AVL9: variants seen among roughly 807,000 people sequenced by gnomAD.
AVL9 encodes AVL9 cell migration associated, also known as late secretory pathway protein AVL9 homolog.
A neutral mutation model predicts 79.2 loss-of-function variants in AVL9; 49 were observed. That is an observed-to-expected ratio of 0.62 (90% CI 0.49 to 0.79). The LOEUF (loss-of-function observed/expected upper bound fraction) is 0.79, where lower values mean the gene tolerates loss of function less well. Ranked by LOEUF, AVL9 falls within the 30% of genes least tolerant of loss-of-function variation. The probability of loss-of-function intolerance (pLI) is 0.00; values close to 1 mark genes in which losing one functional copy is unlikely to be tolerated. For synonymous variants in AVL9, 299 were observed against 280.6 expected, an observed-to-expected ratio of 1.07 and a Z score of -0.65; for missense variants, 682 against 776.8, an observed-to-expected ratio of 0.88 and a Z score of 1.45.
At chr7:32,558,649 ACT>A in intron 9 of AVL9, 21 bp downstream of exon 9, 1 of 1,572,080 alleles carries the variant, frequency 6.4e-7, no homozygotes, top group Non-Finnish European at 8.7e-7. Context: ...AGCAGTATCT[ACT>A]CTTTCTTTTG....
Position 32,495,760 on chromosome 7 carries a change from G to A in AVL9, c.51G>A (p.Leu17=). Residue 17 remains leucine, a synonymous_variant, in exon 1 of 16, where the codon CTG becomes CTA. Coordinates refer to ENST00000318709, the MANE Select transcript of AVL9 (RefSeq NM_015060.3). ...ATGGCGTCCCCCGGGGGCCCGTACT[G>A]CACATCGTGGTGGTCGGATTTCACC... is the stretch of plus-strand genomic sequence containing the variant. The part of the protein sequence containing the change: ...GGDGVPRGPV[L]HIVVVGFHHK... The A allele has an allele frequency of 7.9e-7, 1 of 1,260,360 alleles. No individual in the cohort carries two copies. The highest frequency in any genetic ancestry group is 1.0e-6 in the Non-Finnish European group (1 of 992,498). The allele number at this position is 1,260,360 out of a possible 1,614,324, so 78.1% of individuals were successfully genotyped here.
chr7:32,575,966 A>G lies in AVL9; in HGVS notation c.1582A>G (p.Ile528Val). 6.2e-7 allele frequency: 1 copy of G among 1,608,828 alleles called. No homozygotes were observed. The highest frequency in any genetic ancestry group is 8.5e-7 in the Non-Finnish European group (1 of 1,175,192). The change falls in exon 13 of 16, where the codon ATA becomes GTA. Residue 528 changes from isoleucine (I) to valine (V), a missense_variant. Ile to Val is a conservative substitution (Grantham distance 29, BLOSUM62 3). Transcript: ENST00000318709. ...CATTTACTTGACAGACAATGAAAAG[A>G]TATTATCGGACTATGGGACAACTTT... ...AATLQLDNEK[I>V]LSDYGTTFVT...
intron 13 of AVL9, among the ~76,000 whole-genome samples, chr7:32,578,855 T>G (rs1791219552): frequency 6.6e-6 from 1 of 152,160 alleles, no homozygotes; most frequent in South Asian, 2.1e-4. Context: ...GGGTGTCATT[T>G]AGAAATATTT....
intron 1 of AVL9, among the ~76,000 whole-genome samples, chr7:32,502,779 C>G (rs748588502): frequency 1.1e-4 from 16 of 152,190 alleles, no homozygotes; most frequent in Non-Finnish European, 2.1e-4. Flanking sequence ...AAATGTCACT[C>G]ATACTGTGGC....
At chr7:32,497,973 C>T (rs1191895740) in intron 1 of AVL9, among the ~76,000 whole-genome samples, 3 of 152,040 alleles carry the variant, frequency 2.0e-5, no homozygotes, top group Non-Finnish European at 4.4e-5. Flanking sequence ...TCTAAATGTG[C>T]GCTGAGATTG....
At position 32,537,231 on chromosome 7, in the gene AVL9, T is replaced by C. The variant is rs367768667; in HGVS notation, c.94-5910T>C. The C allele has an allele frequency of 3.3e-5, 5 of 152,162 alleles. No homozygotes were observed. In the East Asian group the frequency reaches 7.7e-4, roughly 23 times the overall value. 9.4% of individuals were successfully genotyped at this position (152,162 alleles called of 1,614,324 possible). A position where few individuals can be genotyped will look rare whatever the true frequency, so the allele number is the denominator to read the frequency against. ...AAACTCAAGTATGATTGATTGGGGCTTATTATGAATAACAAAAGATGCTCC... is the reference window on the plus strand; with the variant it reads ...AAACTCAAGTATGATTGATTGGGGCCTATTATGAATAACAAAAGATGCTCC... On this transcript the variant is annotated intron_variant, in intron 1 of 15. Coordinates refer to ENST00000318709, the MANE Select transcript of AVL9 (RefSeq NM_015060.3).
intron 1 of AVL9, among the ~76,000 whole-genome samples, chr7:32,530,597 TAAAC>T (rs1473079535): frequency 1.3e-5 from 2 of 152,230 alleles, no homozygotes; most frequent in African/African-American, 4.8e-5. Context: ...ATATTTCTTT[TAAAC>T]AAACATAATT....
intron 13 of AVL9, among the ~76,000 whole-genome samples, chr7:32,578,366 C>A (rs1791192265): frequency 6.6e-6 from 1 of 152,196 alleles, no homozygotes; most frequent in Non-Finnish European, 1.5e-5. Flanking sequence ...AGATGCAAAT[C>A]TACCCCCAAA....
intron 1 of AVL9, chr7:32,536,892 G>A (rs1722124095): frequency 6.6e-6 from 1 of 152,220 alleles, no homozygotes; most frequent in Admixed American, 6.5e-5. Context: ...AATAAGGCAA[G>A]GTGTTGGTTG....
chr7:32,510,175 A>G (rs1787597299), intron 1 of AVL9, among the ~76,000 whole-genome samples: 1 of 151,728 alleles, frequency 6.6e-6, no homozygotes, highest in Admixed American at 6.6e-5. Context: ...CTGCCCCAGT[A>G]GGAGCGAGCC....
chr7:32,561,051 G>C (rs1313011843), intron 10 of AVL9, among the ~76,000 whole-genome samples: 1 of 152,192 alleles, frequency 6.6e-6, no homozygotes, highest in African/African-American at 2.4e-5. Flanking sequence ...TCCAGGCTTT[G>C]TTTTTCCATT....
intron 1 of AVL9, among the ~76,000 whole-genome samples, chr7:32,514,046 T>C (rs780458128): frequency 6.6e-6 from 1 of 152,226 alleles, no homozygotes; most frequent in Admixed American, 6.5e-5. Flanking sequence ...TATCTCAGAA[T>C]AGAATGTACG....
intron 1 of AVL9, among the ~76,000 whole-genome samples, chr7:32,524,529 T>TACACAC (rs34652596): frequency 3.0e-5 from 4 of 132,156 alleles, no homozygotes; most frequent in African/African-American, 1.1e-4. Flanking sequence ...GAGGGAGAAA[T>TACACAC]ACACACACAC....
At position 32,580,224 on chromosome 7, in the gene AVL9, C is replaced by G; in HGVS notation, c.1694C>G (p.Pro565Arg). The G allele has an allele frequency of 1.2e-6, 2 of 1,610,404 alleles. No homozygotes were observed. Among genetic ancestry groups the G allele is most frequent in the Non-Finnish European group, 1.7e-6 (2 of 1,178,398 alleles). Residue 565 changes from proline (P) to arginine (R), a missense_variant, in exon 14 of 16, where the codon CCA becomes CGA. Physicochemically the swap from Pro to Arg is moderately radical, Grantham distance 103. Coordinates refer to ENST00000318709, the MANE Select transcript of AVL9 (RefSeq NM_015060.3). ...AACTCAAACTTTTTTTACAGCCATC[C>G]ATTTCAAGGCCAATACTCAGTATCA... is the stretch of plus-strand genomic sequence containing the variant. The part of the protein sequence containing the change: ...PALAEINPNH[P>R]FQGQYSVSDM...
chr7:32,545,055 A>G (rs1397044211), intron 3 of AVL9, among the ~76,000 whole-genome samples: 1 of 152,310 alleles, frequency 6.6e-6, no homozygotes, highest in Non-Finnish European at 1.5e-5. Context: ...CTGTATTTAC[A>G]TTTCAAGATG....
intron 1 of AVL9, among the ~76,000 whole-genome samples, chr7:32,506,727 CAT>C (rs1583486962): frequency 6.7e-6 from 1 of 149,170 alleles, no homozygotes; most frequent in East Asian, 1.9e-4. Context: ...GCCTGGACAA[CAT>C]AGACCCTGTC....
chr7:32,570,110 A>AT lies in AVL9; in HGVS notation c.1307dup (p.Leu437ProfsTer10), dbSNP rs1790762253. ...GGGGTTTGTTGCTGGAGCTACTAAC[A>AT]TCCTTTTTCGACAACAGAAACACCT... is the stretch of plus-strand genomic sequence containing the variant. On this transcript the variant is annotated frameshift_variant, in exon 11 of 16. Coordinates refer to ENST00000318709, the MANE Select transcript of AVL9 (RefSeq NM_015060.3). LOFTEE classifies it high-confidence loss of function. The AT allele has an allele frequency of 1.5e-5, 25 of 1,614,214 alleles. No individual in the cohort carries two copies. The highest frequency in any genetic ancestry group is 2.1e-5 in the Non-Finnish European group (25 of 1,180,034).
chr7:32,580,089 C>G, intron 13 of AVL9, 130 bp from the exon 14 acceptor site: 1 of 679,626 alleles, frequency 1.5e-6, no homozygotes. Flanking sequence ...CCAAGTTTCC[C>G]GATACCAAAC....
rs1224101516 is a variant in AVL9 at position 32,560,587 on chromosome 7, A to AC, written c.1215+1129dup. 3.3e-5 allele frequency among the ~76,000 whole-genome samples: 5 copies of AC among 149,926 alleles called. 1 individual carries two copies. Among genetic ancestry groups the AC allele is most frequent in the South Asian group, 4.3e-4 (2 of 4,672 alleles). On this transcript the variant is annotated intron_variant, in intron 10 of 15. Coordinates refer to ENST00000318709, the MANE Select transcript of AVL9 (RefSeq NM_015060.3). Reference sequence around the variant, plus strand: ...CACCAAATCTCCCCCAAGGTCTTGAACCCCCCAAAGTTATTCATGACAGGG... The same window carrying AC: ...CACCAAATCTCCCCCAAGGTCTTGAACCCCCCCAAAGTTATTCATGACAGGG...
Sources: gnomAD v4.1 joint callset for allele counts (sites outside exome capture counted in the v4.1 genomes callset) on GRCh38, gnomAD v4.1.1 for gene constraint, MANE v1.5 for transcripts, NCBI Gene and HGNC (gene_info 2026-07-23, HGNC 2026-07-21) for gene names.